The following RBFOX3 variants were observed in gnomAD, a reference collection of about 807,000 sequenced individuals.
The protein encoded by RBFOX3 is RNA binding fox-1 homolog 3.
In RBFOX3, 17 loss-of-function variants were observed where a neutral mutation model predicts 48.7. That is an observed-to-expected ratio of 0.35 (90% confidence interval 0.24 to 0.52). The LOEUF (loss-of-function observed/expected upper bound fraction) is 0.52. Ranked by LOEUF, RBFOX3 falls within the 20% of genes least tolerant of loss-of-function variation. The probability of loss-of-function intolerance (pLI) is 0.94; values close to 1 mark genes in which losing one functional copy is unlikely to be tolerated. For synonymous variants in RBFOX3, 212 were observed against 209.5 expected, an observed-to-expected ratio of 1.01 and a Z score of -0.10; for missense variants, 382 against 497.5, an observed-to-expected ratio of 0.77 and a Z score of 2.21.
At chr17:79,664,349 A>AT in the RBFOX3 span, among the ~76,000 whole-genome samples, 10,680 of 138,966 alleles carry the variant, frequency 0.077, 792 homozygotes, top group East Asian at 0.38. Context: ...TAATTTTTGT[A>AT]TTTTTTTTTT....
At chr17:79,267,172 G>A (rs1279361798) in intron 3 of RBFOX3, among the ~76,000 whole-genome samples, 2 of 151,990 alleles carry the variant, frequency 1.3e-5, no homozygotes, top group African/African-American at 4.8e-5. Flanking sequence ...CTTGGGGTGG[G>A]GGCAAGGGGG....
intron 2 of RBFOX3, among the ~76,000 whole-genome samples, chr17:79,412,059 T>C (rs2064446351): frequency 6.6e-6 from 1 of 152,128 alleles, no homozygotes; most frequent in Non-Finnish European, 1.5e-5. Context: ...GTGTGTGGTA[T>C]GTGTGCGTGT....
At chr17:79,645,340 G>A in the RBFOX3 span, among the ~76,000 whole-genome samples, 2 of 134,578 alleles carry the variant, frequency 1.5e-5, no homozygotes, top group African/African-American at 5.4e-5. Context: ...CTAGCCACCC[G>A]CCAGAAACAC....
intron 2 of RBFOX3, among the ~76,000 whole-genome samples, chr17:79,341,108 T>C (rs1218707400): frequency 6.6e-6 from 1 of 152,330 alleles, no homozygotes. Context: ...TGTGCAGTCA[T>C]GTGAGTGCAC....
intron 2 of RBFOX3, among the ~76,000 whole-genome samples, chr17:79,379,150 G>T (rs564763807): frequency 6.6e-6 from 1 of 152,212 alleles, no homozygotes. Context: ...GAGGGCAACC[G>T]TCCCATGGCA....
intron 1 of RBFOX3, among the ~76,000 whole-genome samples, chr17:79,515,266 AG>A (rs1256051117): frequency 2.6e-5 from 4 of 152,304 alleles, no homozygotes; most frequent in African/African-American, 9.6e-5. Context: ...TCCCCAGGCC[AG>A]GTCACCTCAT....
At position 79,482,395 on chromosome 17, in the gene RBFOX3, T is replaced by C. The variant is rs1480862529; in HGVS notation, c.-175+59A>G. On this transcript the variant is annotated intron_variant, in intron 2 of 14. Transcript: ENST00000693108. This position sits in a 1 kb window ranked among gnomAD's most constrained non-coding sequence, Gnocchi z 4.1. ...AATCAAATCACCGCATTAAAACGTA[T>C]TTCCTCCACAAATGCAAACTCTGGG... 3 of 152,316 alleles carry C rather than the reference T, an allele frequency of 2.0e-5. No individual in the cohort carries two copies. The highest frequency in any genetic ancestry group is 7.2e-5 in the African/African-American group (3 of 41,552). 9.4% of individuals were successfully genotyped at this position (152,316 alleles called of 1,614,324 possible).
upstream of RBFOX3, among the ~76,000 whole-genome samples, chr17:79,614,479 C>CA (rs1332615572): frequency 2.8e-3 from 5 of 1,788 alleles, no homozygotes; most frequent in Non-Finnish European, 0.048. Flanking sequence ...AGCTTTGCAG[C>CA]CCCCCTAAGG....
chr17:79,215,727 C>T (rs987947117), intron 4 of RBFOX3, among the ~76,000 whole-genome samples: 72 of 152,270 alleles, frequency 4.7e-4, no homozygotes, highest in African/African-American at 1.7e-3. Context: ...GCGTATCCCC[C>T]AGGCTTGGCT....
rs566017485 is a variant in RBFOX3, at chr17:79,363,810, C to A, written c.-174-55986G>T. Among the ~76,000 whole-genome samples, 129 of 152,218 alleles carry A rather than the reference C, an allele frequency of 8.5e-4. No individual in the cohort carries two copies. The highest frequency in any genetic ancestry group is 1.5e-3 in the Non-Finnish European group (101 of 68,010). On this transcript the variant is annotated intron_variant, in intron 2 of 14. Coordinates refer to ENST00000693108, the MANE Select transcript of RBFOX3 (RefSeq NM_001350451.2). The surrounding 1 kb of genome is among the most constrained non-coding windows in gnomAD (Gnocchi z 4.7). ...ACTGAGGAAGGTCAATCAGCTCGCA[C>A]CCCTGCCCCACTCAGAACTCTCTGG...
chr17:79,449,622 A>AACACACACACACACACACACACACACAC (rs57480439), intron 2 of RBFOX3, among the ~76,000 whole-genome samples: 2,090 of 144,530 alleles, frequency 0.014, 49 homozygotes, highest in Non-Finnish European at 0.023. Context: ...TGCACACATA[A>AACACACACACACACACACACACACACAC]ACACACACAC....
intron 4 of RBFOX3, among the ~76,000 whole-genome samples, chr17:79,156,026 A>G (rs2045712601): frequency 6.6e-6 from 1 of 152,208 alleles, no homozygotes; most frequent in Non-Finnish European, 1.5e-5. Context: ...GGCATCATTC[A>G]GCGGCCTCGT....
intron 2 of RBFOX3, among the ~76,000 whole-genome samples, chr17:79,468,110 G>A (rs1399697841): frequency 2.0e-5 from 3 of 152,170 alleles, no homozygotes; most frequent in Non-Finnish European, 2.9e-5. Context: ...GGACTGTGGA[G>A]CCAGGAAACA....
At chr17:79,187,556 C>T (rs1036302703) in intron 4 of RBFOX3, among the ~76,000 whole-genome samples, 2 of 151,972 alleles carry the variant, frequency 1.3e-5, no homozygotes, top group African/African-American at 4.8e-5. Context: ...ACGAAAGAGG[C>T]AGAGTGGCAG....
intron 3 of RBFOX3, among the ~76,000 whole-genome samples, chr17:79,284,589 G>C (rs1173371043): frequency 6.8e-6 from 1 of 147,462 alleles, no homozygotes. Context: ...CAGCAGGCTA[G>C]AGTGTAGTGG....
At position 79,124,915 on chromosome 17, in the gene RBFOX3, T is replaced by C. The variant is rs900797496; in HGVS notation, c.-33-9167A>G. On this transcript the variant is annotated intron_variant, in intron 4 of 14. Coordinates refer to ENST00000693108, the MANE Select transcript of RBFOX3 (RefSeq NM_001350451.2). ...GTCCTGGACCATGGTGGACTGACCT[T>C]GTCTCGGGGGGAGCCCAGTCCACGA... 5.3e-5 allele frequency among the ~76,000 whole-genome samples: 8 copies of C among 151,196 alleles called. 1 individual carries two copies. The highest frequency in any genetic ancestry group is 1.9e-4 in the African/African-American group (8 of 41,048).
intron 4 of RBFOX3, among the ~76,000 whole-genome samples, chr17:79,122,864 T>G (rs11657884): frequency 1.3e-5 from 2 of 151,942 alleles, no homozygotes; most frequent in East Asian, 3.9e-4. Context: ...TGGAGTACTA[T>G]TGAGCCATAA....
chr17:79,440,989 C>A (rs941229504), intron 2 of RBFOX3, among the ~76,000 whole-genome samples: 1 of 152,242 alleles, frequency 6.6e-6, no homozygotes, highest in African/African-American at 2.4e-5. Context: ...GGAAATGTCC[C>A]GCCAGAGCTG....
chr17:79,144,928 T>G (rs894439805), intron 4 of RBFOX3, among the ~76,000 whole-genome samples: 2 of 152,162 alleles, frequency 1.3e-5, no homozygotes, highest in Admixed American at 1.3e-4. Context: ...GTCACCAGGT[T>G]CCGAGTCCAA....
Sources: allele counts gnomAD v4.1 joint callset (sites outside exome capture counted in the v4.1 genomes callset), GRCh38; gene constraint gnomAD v4.1.1; non-coding constraint Gnocchi (gnomAD v3.1); transcripts MANE v1.5; gene names NCBI Gene and HGNC (gene_info 2026-07-23, HGNC 2026-07-21).